The following RNF157 variants were observed in gnomAD, a reference collection of about 807,000 sequenced individuals.
The protein encoded by RNF157 is E3 ubiquitin ligase RNF157.
RNF157 carries 55 observed loss-of-function variants against 88.3 expected under a neutral mutation model. That is an observed-to-expected ratio of 0.62 (90% CI 0.50 to 0.78). The LOEUF (loss-of-function observed/expected upper bound fraction) is 0.78. Among genes scored for constraint, RNF157 ranks in the 30% least tolerant of loss-of-function variants. The pLI, the probability that RNF157 is intolerant of heterozygous loss-of-function variation, is 0.00. For synonymous variants in RNF157, 334 were observed against 341.2 expected (o/e 0.98, Z 0.23); for missense variants, 788 against 860.8 (o/e 0.92, Z 1.06).
intron 1 of RNF157, among the ~76,000 whole-genome samples, chr17:76,212,828 T>A (rs1193277639): frequency 6.6e-6 from 1 of 152,096 alleles, no homozygotes; most frequent in East Asian, 1.9e-4. Flanking sequence ...AGCACTACAC[T>A]CCAGTCTGGG....
chr17:76,163,190 C>CTT (rs35564567), intron 8 of RNF157: 8,077 of 121,334 alleles, frequency 0.067, 632 homozygotes, highest in African/African-American at 0.16. Flanking sequence ...GCCCTGTTTC[C>CTT]TTTTTTTTTT....
Position 76,144,547 on chromosome 17 carries a change from TC to T in RNF157, c.*687del, listed in dbSNP as rs1205741124. Reference sequence around the variant, plus strand: ...TGGTCTCGATCTCCTGATCTCATGATCCACCCGCCTCGGCCTCCCAAAGTGC... The same window carrying T: ...TGGTCTCGATCTCCTGATCTCATGATCACCCGCCTCGGCCTCCCAAAGTGC... On this transcript the variant is annotated 3_prime_UTR_variant, in exon 19 of 19. Coordinates refer to ENST00000269391, the MANE Select transcript of RNF157 (RefSeq NM_052916.3). The T allele has an allele frequency of 1.6e-4, 24 of 152,374 alleles. No individual in the cohort carries two copies. The highest frequency in any genetic ancestry group is 5.8e-4 in the African/African-American group (24 of 41,550). 9.4% of individuals were successfully genotyped at this position (152,374 alleles called of 1,614,324 possible).
rs1568032020 is a variant in RNF157, at chr17:76,164,732, G to C, written c.720+16C>G. 1 of 1,550,928 alleles carries C rather than the reference G, an allele frequency of 6.4e-7. No individual in the cohort carries two copies. ...AGGACCCTAATACTAACAGTCTGTGGTCTTCAAATACTTACTACTTGTTTC... is the reference window on the plus strand; with the variant it reads ...AGGACCCTAATACTAACAGTCTGTGCTCTTCAAATACTTACTACTTGTTTC... On this transcript the variant is annotated intron_variant, in intron 8 of 18. Transcript: ENST00000269391.
At chr17:76,189,428 T>C (rs1244419519) in intron 2 of RNF157, among the ~76,000 whole-genome samples, 1 of 152,220 alleles carries the variant, frequency 6.6e-6, no homozygotes, top group African/African-American at 2.4e-5. Context: ...GTGCTGCTGG[T>C]TACGGTGACT....
rs1284491985 is a variant in RNF157 at position 76,151,969 on chromosome 17, C to T, written c.1921+386G>A. ...GAGCTACAGCTTCACTTTTAAAGGG[C>T]GCAGGCAATCCTTCCAAGACCTTCG... On this transcript the variant is annotated intron_variant, in intron 18 of 18. Coordinates refer to ENST00000269391, the MANE Select transcript of RNF157 (RefSeq NM_052916.3). Among the ~76,000 whole-genome samples, 6 of 152,120 alleles carry T rather than the reference C, an allele frequency of 3.9e-5. No homozygotes were observed. The East Asian group carries it at 7.7e-4, about 19-fold the overall frequency.
intron 2 of RNF157, among the ~76,000 whole-genome samples, chr17:76,184,526 A>G (rs1278394221): frequency 6.6e-6 from 1 of 152,292 alleles, no homozygotes; most frequent in South Asian, 2.1e-4. Context: ...TGTGAAGTGA[A>G]TACAAATTTG....
chr17:76,158,655 C>G, intron 12 of RNF157, 154 bp from the exon 13 acceptor site: 1 of 607,154 alleles, frequency 1.6e-6, no homozygotes, highest in South Asian at 1.8e-5. Flanking sequence ...GGCTGGGACT[C>G]CTGGGCTTCA....
intron 3 of RNF157, among the ~76,000 whole-genome samples, chr17:76,173,234 C>T (rs1036003138): frequency 6.6e-6 from 1 of 151,194 alleles, no homozygotes; most frequent in Non-Finnish European, 1.5e-5. Flanking sequence ...TGCAGTGAGC[C>T]GAGATTGCGC....
chr17:76,221,803 C>T (rs890491949), intron 1 of RNF157, among the ~76,000 whole-genome samples: 1 of 152,192 alleles, frequency 6.6e-6, no homozygotes, highest in Admixed American at 6.5e-5. Flanking sequence ...ATGTGTCCGA[C>T]ATATGTCCTT....
chr17:76,202,170 ACG>A, intron 2 of RNF157, among the ~76,000 whole-genome samples: 1 of 148,830 alleles, frequency 6.7e-6, no homozygotes. Flanking sequence ...ACACACACAC[ACG>A]TGCATGAGAA....
chr17:76,156,178 G>T, intron 14 of RNF157, 32 bp downstream of exon 14: 1 of 1,528,082 alleles, frequency 6.5e-7, no homozygotes, highest in Non-Finnish European at 9.1e-7. Context: ...TAAGGGGGAA[G>T]GACATGCAGC....
Position 76,240,111 on chromosome 17 carries a change from C to G in RNF157, c.88+42G>C, listed in dbSNP as rs1007842497. 28 of 1,200,354 alleles carry G rather than the reference C, an allele frequency of 2.3e-5. No homozygotes were observed. The African/African-American group carries it at 4.3e-4, about 18-fold the overall frequency. 74.4% of individuals were successfully genotyped at this position (1,200,354 alleles called of 1,614,324 possible). A position where few individuals can be genotyped will look rare whatever the true frequency, so the allele number is the denominator to read the frequency against. ...GTCCCGACCCAGACCCCTGCCCCTG[C>G]CCCTCTCCCTCCTCGCGGCTGCGGC... On this transcript the variant is annotated intron_variant, in intron 1 of 18. Transcript: ENST00000269391. The surrounding 1 kb of genome is among the most constrained non-coding windows in gnomAD (Gnocchi z 4.4).
intron 2 of RNF157, among the ~76,000 whole-genome samples, chr17:76,181,527 G>A (rs1394985436): frequency 1.3e-5 from 2 of 152,168 alleles, no homozygotes; most frequent in East Asian, 1.9e-4. Context: ...CAATGGATAC[G>A]TCAGTCAGCG....
At chr17:76,206,455 G>T (rs1279768201) in intron 2 of RNF157, among the ~76,000 whole-genome samples, 1 of 152,060 alleles carries the variant, frequency 6.6e-6, no homozygotes, top group Non-Finnish European at 1.5e-5. Flanking sequence ...TTATATAAGG[G>T]ACCAGAGCAG....
At chr17:76,162,151 C>A (rs759649018) in intron 9 of RNF157, 149 bp from the exon 10 acceptor site, 4 of 746,154 alleles carry the variant, frequency 5.4e-6, no homozygotes, top group Non-Finnish European at 8.6e-6. Context: ...TTTCCCAGTG[C>A]GTCCACACAC....
At chr17:76,233,666 A>G (rs1455154171) in intron 1 of RNF157, among the ~76,000 whole-genome samples, 1 of 152,144 alleles carries the variant, frequency 6.6e-6, no homozygotes, top group Admixed American at 6.5e-5. Context: ...CCTGCCGAGT[A>G]GCTGATATCA....
rs374586349 is a variant in RNF157 at position 76,215,140 on chromosome 17, T to C, written c.89-2658A>G. Reference sequence around the variant, plus strand: ...CACAAACTCCCTAAATCAGTTGCAATTTTTGTTGAAGATTTGTAGCAGGCA... The same window carrying C: ...CACAAACTCCCTAAATCAGTTGCAACTTTTGTTGAAGATTTGTAGCAGGCA... On this transcript the variant is annotated intron_variant, in intron 1 of 18. Coordinates refer to ENST00000269391, the MANE Select transcript of RNF157 (RefSeq NM_052916.3). 1.1e-3 allele frequency among the ~76,000 whole-genome samples: 173 copies of C among 152,150 alleles called. 4 individuals carry two copies. The South Asian group carries it at 0.022, about 20-fold the overall frequency.
In RNF157 at chr17:76,157,900, G is replaced by A. The variant is rs1351044811; in HGVS notation, c.1413+493C>T. On this transcript the variant is annotated intron_variant, in intron 13 of 18. Coordinates refer to ENST00000269391, the MANE Select transcript of RNF157 (RefSeq NM_052916.3). The surrounding 1 kb of genome is among the most constrained non-coding windows in gnomAD (Gnocchi z 5.6). ...TCCCGACACCCCCCACTTACCCCCA[G>A]GACTTTCTCCTTGCTGTTCCCAGAC... Among the ~76,000 whole-genome samples, 1 of 151,472 alleles carries A rather than the reference G, an allele frequency of 6.6e-6. No homozygotes were observed. Among genetic ancestry groups the A allele is most frequent in the Non-Finnish European group, 1.5e-5 (1 of 67,872 alleles).
chr17:76,143,060 G>A lies in RNF157; in HGVS notation c.*2175C>T, dbSNP rs181687688. ...CAGGCTGACTGAGGACCAGCTCCTT[G>A]GATGGAGTATTTCTGTGGGCCAGAG... On this transcript the variant is annotated 3_prime_UTR_variant, in exon 19 of 19. Transcript: ENST00000269391. 3 of 152,420 alleles carry A rather than the reference G, an allele frequency of 2.0e-5. No individual in the cohort carries two copies. Among genetic ancestry groups the A allele is most frequent in the African/African-American group, 7.2e-5 (3 of 41,584 alleles). The allele number at this position is 152,420 out of a possible 1,614,324, so 9.4% of individuals were successfully genotyped here. A position where few individuals can be genotyped will look rare whatever the true frequency, so the allele number is the denominator to read the frequency against.
Sources: allele counts gnomAD v4.1 joint callset (sites outside exome capture counted in the v4.1 genomes callset), GRCh38; gene constraint gnomAD v4.1.1; non-coding constraint Gnocchi (gnomAD v3.1); transcripts MANE v1.5; gene names NCBI Gene and HGNC (gene_info 2026-07-23, HGNC 2026-07-21).